The following CCDC66 variants were observed in gnomAD, a reference collection of about 807,000 sequenced individuals.
CCDC66 encodes the protein coiled-coil domain containing 66, also known as coiled-coil domain-containing protein 66.
CCDC66 carries 133 observed loss-of-function variants against 128.3 expected under a neutral mutation model. That is an observed-to-expected ratio of 1.04 (90% CI 0.90 to 1.20). The LOEUF is 1.20. CCDC66 is among the 50% of genes most tolerant of loss of function. The probability of loss-of-function intolerance (pLI) is 0.00; values close to 1 mark genes in which losing one functional copy is unlikely to be tolerated. For missense variants in CCDC66, 1,126 were observed against 1,075.5 expected, an observed-to-expected ratio of 1.05 and a Z score of -0.66; for synonymous variants, 387 against 357.0, an observed-to-expected ratio of 1.08 and a Z score of -0.95.
chr3:56,619,079 A>G (rs997972385), intron 15 of CCDC66, 192 bp from the exon 16 acceptor site: 6 of 506,650 alleles, frequency 1.2e-5, no homozygotes, highest in East Asian at 7.0e-5. Context: ...CTAGCTGGGC[A>G]CTGTGGCGTG....
chr3:56,570,960 G>A (rs1403548636), intron 6 of CCDC66, among the ~76,000 whole-genome samples: 1 of 152,216 alleles, frequency 6.6e-6, no homozygotes, highest in Non-Finnish European at 1.5e-5. Flanking sequence ...ATTGGTAATT[G>A]TGATAATAAA....
At chr3:56,563,564 T>A (rs537996842) in intron 3 of CCDC66, 120 bp from the exon 4 acceptor site, 70 of 700,838 alleles carry the variant, frequency 1.0e-4, no homozygotes, top group Admixed American at 4.2e-4. Context: ...CTTATGGTTA[T>A]ATTACCTAAA....
intron 12 of CCDC66, among the ~76,000 whole-genome samples, chr3:56,615,665 A>G (rs1298586062): frequency 2.0e-5 from 3 of 152,210 alleles, no homozygotes; most frequent in African/African-American, 7.2e-5. Flanking sequence ...ATAAAAGCAG[A>G]ACTAAAGGTT....
intron 6 of CCDC66, among the ~76,000 whole-genome samples, chr3:56,567,723 C>T (rs1049713323): frequency 5.9e-5 from 9 of 151,726 alleles, no homozygotes; most frequent in East Asian, 3.9e-4. Flanking sequence ...GATGGGGTCT[C>T]GCTGTGTTGC....
In CCDC66 at chr3:56,557,248, C is replaced by G. The variant is rs1438000448; in HGVS notation, c.6C>G (p.Asn2Lys). The G allele has an allele frequency of 1.3e-6, 1 of 785,804 alleles. No individual in the cohort carries two copies. The highest frequency in any genetic ancestry group is 1.9e-6 in the Non-Finnish European group (1 of 519,634). The allele number at this position is 785,804 out of a possible 1,614,324, so 48.7% of individuals were successfully genotyped here. A position where few individuals can be genotyped will look rare whatever the true frequency, so the allele number is the denominator to read the frequency against. ...AGAGAGTGCGAGGTCAGGCCATGAA[C>G]TTGGGGTAAGCAGGGGTAAGCTGGG... The part of the protein sequence containing the change: M[N>K]LGDGLKLETE... The change falls in exon 1 of 18, where the codon AAC becomes AAG. Residue 2 changes from asparagine to lysine, a missense_variant. Coordinates refer to ENST00000394672, the MANE Select transcript of CCDC66 (RefSeq NM_001141947.3).
intron 7 of CCDC66, among the ~76,000 whole-genome samples, chr3:56,581,913 G>C (rs1009833848): frequency 4.6e-5 from 7 of 151,978 alleles, no homozygotes; most frequent in African/African-American, 1.7e-4. Flanking sequence ...CAAACTCTGT[G>C]CTGGGAGAAG....
At chr3:56,558,033 A>G (rs2064582377) in intron 1 of CCDC66, 1 of 152,236 alleles carries the variant, frequency 6.6e-6, no homozygotes, top group Non-Finnish European at 1.5e-5. Flanking sequence ...ATAACCCTAC[A>G]ATAAGGAAAG....
chr3:56,581,612 T>C (rs1050751044), intron 7 of CCDC66, among the ~76,000 whole-genome samples: 15 of 151,878 alleles, frequency 9.9e-5, no homozygotes, highest in Non-Finnish European at 1.2e-4. Flanking sequence ...GTCCTTTCTG[T>C]TTGCTAGTTT....
At chr3:56,615,528 T>C (rs2075380988) in intron 12 of CCDC66, 3 of 392,572 alleles carry the variant, frequency 7.6e-6, no homozygotes, top group Admixed American at 4.3e-5. Flanking sequence ...TGTGAGTCAC[T>C]GCACCCAGCC....
At chr3:56,576,634 C>A (rs1032243170) in intron 7 of CCDC66, among the ~76,000 whole-genome samples, 1 of 145,896 alleles carries the variant, frequency 6.9e-6, no homozygotes, top group Non-Finnish European at 1.5e-5. Context: ...TTAGTTCCCA[C>A]CTATAAGTGA....
chr3:56,610,766 C>T (rs1486929323), intron 10 of CCDC66, among the ~76,000 whole-genome samples: 1 of 152,162 alleles, frequency 6.6e-6, no homozygotes, highest in Non-Finnish European at 1.5e-5. Flanking sequence ...AGGGTGTTCC[C>T]TATGTATTAC....
intron 7 of CCDC66, among the ~76,000 whole-genome samples, chr3:56,582,266 C>T (rs1042043761): frequency 2.6e-5 from 4 of 151,862 alleles, no homozygotes; most frequent in African/African-American, 4.8e-5. Flanking sequence ...ATTGGAAAAG[C>T]GCAGTATTAG....
At chr3:56,597,530 T>C (rs549984916) in intron 10 of CCDC66, among the ~76,000 whole-genome samples, 1 of 152,100 alleles carries the variant, frequency 6.6e-6, no homozygotes. Context: ...GCCATTTGTT[T>C]GTATCCTCTT....
chr3:56,617,051 ATTATT>A, intron 13 of CCDC66, 56 bp from the exon 14 acceptor site: 2 of 1,293,140 alleles, frequency 1.5e-6, no homozygotes, highest in South Asian at 1.7e-5. Flanking sequence ...TTTGGGGAAA[ATTATT>A]TAATATTGAA....
Position 56,619,308 on chromosome 3 carries a change from A to G in CCDC66, c.2416A>G (p.Thr806Ala). ...SSPVPVVKNR[T>A]QQTQNTLHLP... ...ACCAGTTCCAGTAGTGAAAAACAGA[A>G]CCCAACAAACTCAAAATACATTACA... is the stretch of plus-strand genomic sequence containing the variant. Residue 806 changes from threonine to alanine, a missense_variant, in exon 16 of 18, where the codon ACC becomes GCC. Coordinates refer to ENST00000394672, the MANE Select transcript of CCDC66 (RefSeq NM_001141947.3). 1 of 1,612,518 alleles carries G rather than the reference A, an allele frequency of 6.2e-7. No individual in the cohort carries two copies. The highest frequency in any genetic ancestry group is 1.1e-5 in the South Asian group (1 of 90,646).
chr3:56,588,057 A>G (rs764583198), intron 7 of CCDC66, among the ~76,000 whole-genome samples: 1 of 152,218 alleles, frequency 6.6e-6, no homozygotes, highest in East Asian at 1.9e-4. Context: ...CCATCAGTCA[A>G]TGAGTGGATA....
intron 6 of CCDC66, 114 bp downstream of exon 6, chr3:56,567,167 G>A (rs62255972): frequency 0.051 from 34,157 of 666,792 alleles, 988 homozygotes; most frequent in East Asian, 0.095. Flanking sequence ...CGAGGTGGGT[G>A]GATCAGGAGG....
chr3:56,615,398 A>G (rs2107364209), intron 12 of CCDC66, 126 bp downstream of exon 12: 1 of 867,772 alleles, frequency 1.2e-6, no homozygotes, highest in East Asian at 2.9e-5. Context: ...TGGTGCCATC[A>G]CAGCTCACTG....
Position 56,563,896 on chromosome 3 carries a change from T to A in CCDC66, c.315T>A (p.Leu105=). 4 of 1,612,514 alleles carry A rather than the reference T, an allele frequency of 2.5e-6. No homozygotes were observed. The highest frequency in any genetic ancestry group is 3.4e-6 in the Non-Finnish European group (4 of 1,178,926). ...AACAATGTATAGATAAAGACTGTCT[T>A]CATATCCAGAAAGAGATTTCACCTG... The part of the protein sequence containing the change: ...LCKQCIDKDC[L]HIQKEISPAT... Residue 105 remains leucine, a synonymous_variant, in exon 4 of 18, where the codon CTT becomes CTA. Transcript: ENST00000394672.
Sources: gnomAD v4.1 joint callset for allele counts (sites outside exome capture counted in the v4.1 genomes callset) on GRCh38, gnomAD v4.1.1 for gene constraint, MANE v1.5 for transcripts, NCBI Gene and HGNC (gene_info 2026-07-23, HGNC 2026-07-21) for gene names.